HPF1: variants seen among roughly 807,000 people sequenced by gnomAD.
The protein encoded by HPF1 is histone PARylation factor 1.
In HPF1, 35 loss-of-function variants were observed where a neutral mutation model predicts 38.8. The observed-to-expected ratio is 0.90, with a 90% CI of 0.69 to 1.19. The LOEUF is 1.19. HPF1 is among the 50% of genes most tolerant of loss of function. HPF1 has a pLI of 0.00. For synonymous variants in HPF1, 115 were observed against 139.2 expected (o/e 0.83, Z 1.22); for missense variants, 367 against 405.8 (o/e 0.90, Z 0.82).
rs546721576 is a variant in HPF1 at position 169,757,854 on chromosome 4, G to A, written c.24C>T (p.Arg8=). The change falls in exon 1 of 8, where the codon CGC becomes CGT. Residue 8 remains arginine, a synonymous_variant. Coordinates refer to ENST00000393381, the MANE Select transcript of HPF1 (RefSeq NM_017867.3). ...CCTGCGGCCCCTCTCCGCCGGGCCT[G>A]CGCTTCCCGCCACCGCCGACCATTC... MVGGGGK[R]RPGGEGPQCE... is the part of the protein sequence containing the mutation. The A allele has an allele frequency of 4.2e-5, 66 of 1,564,856 alleles. No homozygotes were observed. The African/African-American group carries it at 8.5e-4, about 20-fold the overall frequency.
At chr4:169,742,462 G>GAAAAAAAAAGTAGACATC (rs869089376) in intron 4 of HPF1, among the ~76,000 whole-genome samples, 1 of 151,628 alleles carries the variant, frequency 6.6e-6, no homozygotes, top group Non-Finnish European at 1.5e-5. Flanking sequence ...TGACCTAACA[G>GAAAAAAAAAGTAGACATC]AAAAAAAAGT....
chr4:169,731,226 C>T (rs970110464), intron 7 of HPF1, among the ~76,000 whole-genome samples: 16 of 152,140 alleles, frequency 1.1e-4, no homozygotes, highest in African/African-American at 3.4e-4. Flanking sequence ...AATTAGTTAA[C>T]GGTAAAACAG....
chr4:169,746,005 T>C (rs1259277348), intron 4 of HPF1, among the ~76,000 whole-genome samples: 1 of 152,150 alleles, frequency 6.6e-6, no homozygotes, highest in Non-Finnish European at 1.5e-5. Flanking sequence ...CCAGTTATTT[T>C]AGGAAAATAA....
intron 2 of HPF1, 117 bp from the exon 3 acceptor site, chr4:169,750,842 T>C (rs1394128961): frequency 2.8e-6 from 2 of 711,658 alleles, no homozygotes; most frequent in African/African-American, 1.8e-5. Context: ...TAAAAAAATC[T>C]TGAGTTATGT....
At chr4:169,743,217 C>A (rs1167525442) in intron 4 of HPF1, among the ~76,000 whole-genome samples, 2 of 151,982 alleles carry the variant, frequency 1.3e-5, no homozygotes, top group African/African-American at 2.4e-5. Flanking sequence ...TCAAATGATT[C>A]TCCTGACTCA....
intron 6 of HPF1, among the ~76,000 whole-genome samples, chr4:169,735,433 C>T (rs1402396302): frequency 6.6e-6 from 1 of 152,166 alleles, no homozygotes; most frequent in African/African-American, 2.4e-5. Flanking sequence ...GTCAGTTATA[C>T]CTCTTGGCAA....
Position 169,757,838 on chromosome 4 carries a change from C to T in HPF1, c.40G>A (p.Gly14Arg). The change falls in exon 1 of 8, where the codon GGG becomes AGG. Residue 14 changes from glycine (G) to arginine (R), a missense_variant. By Grantham distance (125) the Gly-to-Arg change is moderately radical. Coordinates refer to ENST00000393381, the MANE Select transcript of HPF1 (RefSeq NM_017867.3). Reference protein sequence around the residue: ...GGGKRRPGGEGPQCEKTTDVK... With the variant: ...GGGKRRPGGERPQCEKTTDVK... ...AGCCTTTCCGGCAGTACCTGCGGCC[C>T]CTCTCCGCCGGGCCTGCGCTTCCCG... is the stretch of plus-strand genomic sequence containing the variant. 1 of 1,564,904 alleles carries T rather than the reference C, an allele frequency of 6.4e-7. No individual in the cohort carries two copies. The highest frequency in any genetic ancestry group is 8.6e-7 in the Non-Finnish European group (1 of 1,162,278).
chr4:169,746,783 C>T (rs954661622), intron 4 of HPF1, among the ~76,000 whole-genome samples: 1 of 151,740 alleles, frequency 6.6e-6, no homozygotes, highest in African/African-American at 2.4e-5. Context: ...AGTTATATCT[C>T]AAGTAATTTT....
intron 1 of HPF1, among the ~76,000 whole-genome samples, chr4:169,755,543 G>C (rs911698296): frequency 2.0e-5 from 3 of 152,072 alleles, no homozygotes; most frequent in Non-Finnish European, 2.9e-5. Flanking sequence ...TTGTTTTCTT[G>C]TTGCTTTAAA....
intron 6 of HPF1, among the ~76,000 whole-genome samples, chr4:169,732,589 T>C (rs549222375): frequency 6.6e-6 from 1 of 152,342 alleles, no homozygotes; most frequent in African/African-American, 2.4e-5. Flanking sequence ...TAAGTTTTTT[T>C]CATTTTTAAA....
chr4:169,750,851 G>T, intron 2 of HPF1, 126 bp from the exon 3 acceptor site: 1 of 619,212 alleles, frequency 1.6e-6, no homozygotes, highest in Non-Finnish European at 2.7e-6. Context: ...CTTGAGTTAT[G>T]TGTGAAGATG....
chr4:169,751,055 C>T (rs114187110), intron 2 of HPF1, among the ~76,000 whole-genome samples: 6,648 of 152,142 alleles, frequency 0.044, 496 homozygotes, highest in African/African-American at 0.15. Context: ...GCCTCAAATA[C>T]TTGTAGTACA....
intron 6 of HPF1, among the ~76,000 whole-genome samples, chr4:169,735,695 A>G (rs185993110): frequency 3.7e-4 from 56 of 152,286 alleles, no homozygotes; most frequent in African/African-American, 1.2e-3. Context: ...ACGAGATAGT[A>G]ATCATGCTTT....
intron 1 of HPF1, among the ~76,000 whole-genome samples, chr4:169,755,860 T>C (rs566385358): frequency 5.9e-5 from 9 of 152,266 alleles, no homozygotes; most frequent in African/African-American, 1.4e-4. Context: ...CACGTGTAGA[T>C]GTAGAGCTAT....
At chr4:169,731,362 C>G (rs1397196334) in intron 7 of HPF1, among the ~76,000 whole-genome samples, 1 of 152,168 alleles carries the variant, frequency 6.6e-6, no homozygotes, top group Non-Finnish European at 1.5e-5. Flanking sequence ...ACCCCCATAC[C>G]TAGCCCCAAA....
chr4:169,732,104 A>T, intron 6 of HPF1: 1 of 423,052 alleles, frequency 2.4e-6, no homozygotes. Flanking sequence ...TTCTTTATTA[A>T]CGACTATTTC....
At chr4:169,731,625 T>G (rs1560885853) in intron 7 of HPF1, 79 bp downstream of exon 7, 1 of 1,074,896 alleles carries the variant, frequency 9.3e-7, no homozygotes, top group Non-Finnish European at 1.3e-6. Flanking sequence ...AATGTGCACG[T>G]ATTCATGTGT....
At chr4:169,737,634 C>T in intron 6 of HPF1, 26 bp downstream of exon 6, 2 of 1,358,064 alleles carry the variant, frequency 1.5e-6, no homozygotes, top group East Asian at 2.3e-5. Flanking sequence ...AACATATATG[C>T]ACATGTTTAC....
chr4:169,742,901 G>A lies in HPF1; in HGVS notation c.498-794C>T, dbSNP rs187295678. ...GGATCACTCAAGGTCAGGAGTTGGA[G>A]ACCAACCTGGCCAACATAGTGAAAC... On this transcript the variant is annotated intron_variant, in intron 4 of 7. Coordinates refer to ENST00000393381, the MANE Select transcript of HPF1 (RefSeq NM_017867.3). Among the ~76,000 whole-genome samples the A allele has an allele frequency of 3.3e-5, 5 of 151,988 alleles. No individual in the cohort carries two copies. The East Asian group carries it at 9.9e-4, about 30-fold the overall frequency.
Sources: allele counts gnomAD v4.1 joint callset (sites outside exome capture counted in the v4.1 genomes callset), GRCh38; gene constraint gnomAD v4.1.1; transcripts MANE v1.5; gene names NCBI Gene and HGNC (gene_info 2026-07-23, HGNC 2026-07-21).